Variants in IL1RAPL2 observed in about 807,000 individuals in gnomAD.
The protein encoded by IL1RAPL2 is interleukin 1 receptor accessory protein like 2.
IL1RAPL2 carries 3 observed loss-of-function variants against 44.1 expected under a neutral mutation model. The ratio of observed to expected loss-of-function variants is 0.07; its 90% CI spans 0.03 to 0.18. The LOEUF (loss-of-function observed/expected upper bound fraction) is 0.18, where lower values mean the gene tolerates loss of function less well. Among genes scored for constraint, IL1RAPL2 ranks in the 10% least tolerant of loss-of-function variants. The pLI, the probability that IL1RAPL2 is intolerant of heterozygous loss-of-function variation, is 1.00. For missense variants in IL1RAPL2, 391 were observed against 496.4 expected (o/e 0.79, Z 2.02); for synonymous variants, 181 against 178.8 (o/e 1.01, Z -0.10).
chrX:105,479,027 G>A (rs771448716), intron 5 of IL1RAPL2, among the ~76,000 whole-genome samples: 5 of 111,835 alleles, frequency 4.5e-5, no homozygotes, highest in African/African-American at 3.2e-5. Context: ...AATGCTTTAG[G>A]ATTTAAGAGA....
At chrX:105,219,461 G>T in intron 3 of IL1RAPL2, 1 of 1,210,297 alleles carries the variant, frequency 8.3e-7, no homozygotes, top group Non-Finnish European at 1.1e-6. Flanking sequence ...AGCTGCAGGA[G>T]GATTCTCTCC....
chrX:104,633,570 G>T (rs1199425959), intron 1 of IL1RAPL2, among the ~76,000 whole-genome samples: 3 of 111,719 alleles, frequency 2.7e-5, no homozygotes, highest in Non-Finnish European at 5.6e-5. Flanking sequence ...TTAGTCTTGG[G>T]AGGGTATATG....
At chrX:105,747,953 A>C (rs1477674593) in intron 8 of IL1RAPL2, among the ~76,000 whole-genome samples, 1 of 111,288 alleles carries the variant, frequency 9.0e-6, no homozygotes, top group Non-Finnish European at 1.9e-5. Context: ...AATTTTATCT[A>C]ATTATAATGA....
At chrX:104,736,638 T>C (rs1419042487) in intron 2 of IL1RAPL2, among the ~76,000 whole-genome samples, 1 of 112,348 alleles carries the variant, frequency 8.9e-6, no homozygotes, top group African/African-American at 3.2e-5. Context: ...AAAGCAAACA[T>C]GACTTCTTAA....
intron 5 of IL1RAPL2, among the ~76,000 whole-genome samples, chrX:105,466,383 G>A (rs759378130): frequency 9.0e-6 from 1 of 111,336 alleles, no homozygotes; most frequent in East Asian, 2.9e-4. Context: ...GTCTTCTGTA[G>A]CTAATAATTC....
At chrX:104,840,870 A>G (rs1360858939) in intron 2 of IL1RAPL2, among the ~76,000 whole-genome samples, 7 of 107,861 alleles carry the variant, frequency 6.5e-5, no homozygotes, top group African/African-American at 2.0e-4. Context: ...TTGTATTTTT[A>G]GTAGAGATAG....
chrX:105,763,226 A>AAAAT (rs1328309732), intron 10 of IL1RAPL2, among the ~76,000 whole-genome samples: 5 of 111,627 alleles, frequency 4.5e-5, no homozygotes, highest in African/African-American at 1.6e-4. Context: ...CAACTCTTTA[A>AAAAT]AAATATATAA....
chrX:105,545,152 G>A (rs1048490443), intron 6 of IL1RAPL2, among the ~76,000 whole-genome samples: 2 of 111,347 alleles, frequency 1.8e-5, no homozygotes, highest in Non-Finnish European at 3.8e-5. Flanking sequence ...TACCTTTTCC[G>A]TTGCTCTACA....
chrX:105,411,225 A>C (rs1405489772), intron 5 of IL1RAPL2, among the ~76,000 whole-genome samples: 1 of 111,964 alleles, frequency 8.9e-6, no homozygotes, highest in East Asian at 2.8e-4. Context: ...CAAACCATAA[A>C]GGTAAACAAC....
At chrX:105,231,672 A>G (rs782433102) in intron 3 of IL1RAPL2, among the ~76,000 whole-genome samples, 17 of 112,155 alleles carry the variant, frequency 1.5e-4, no homozygotes, top group African/African-American at 5.2e-4. Context: ...AACAAATATT[A>G]GAAGATCAGA....
chrX:105,289,370 T>C (rs1272555647), intron 5 of IL1RAPL2, among the ~76,000 whole-genome samples: 1 of 111,141 alleles, frequency 9.0e-6, no homozygotes, highest in Non-Finnish European at 1.9e-5. Flanking sequence ...AGGTTTATTT[T>C]ACAAGGAGAA....
chrX:105,612,137 C>T (rs1175358238), intron 6 of IL1RAPL2, among the ~76,000 whole-genome samples: 1 of 111,101 alleles, frequency 9.0e-6, no homozygotes, highest in Non-Finnish European at 1.9e-5. Flanking sequence ...GACAGGGTCT[C>T]GCTCTGTCAC....
chrX:105,639,337 AC>A lies in IL1RAPL2; in HGVS notation c.773-78028del, dbSNP rs1200745428. Among the ~76,000 whole-genome samples the A allele has an allele frequency of 2.2e-4, 25 of 111,728 alleles. 1 individual carries two copies. Among genetic ancestry groups the A allele is most frequent in the Non-Finnish European group, 7.5e-5 (4 of 53,134 alleles). ...AACTCACCATATTGCATGGGACACA[AC>A]CTGCTATAACTCTCCACTGGGCATT... is the stretch of plus-strand genomic sequence containing the variant. On this transcript the variant is annotated intron_variant, in intron 6 of 10. Coordinates refer to ENST00000372582, the MANE Select transcript of IL1RAPL2 (RefSeq NM_017416.2).
intron 6 of IL1RAPL2, among the ~76,000 whole-genome samples, chrX:105,549,101 C>T (rs1025228767): frequency 9.0e-6 from 1 of 111,445 alleles, no homozygotes; most frequent in African/African-American, 3.3e-5. Context: ...AGTGTGCTGT[C>T]TTCCAAATCC....
At chrX:105,679,783 C>CA (rs1363180506) in intron 6 of IL1RAPL2, among the ~76,000 whole-genome samples, 2 of 111,388 alleles carry the variant, frequency 1.8e-5, no homozygotes, top group Non-Finnish European at 3.8e-5. Flanking sequence ...TTATCTTGAT[C>CA]AAAAAATAAG....
At chrX:104,712,086 C>T (rs1931468262) in intron 2 of IL1RAPL2, among the ~76,000 whole-genome samples, 3 of 110,969 alleles carry the variant, frequency 2.7e-5, no homozygotes, top group Non-Finnish European at 3.8e-5. Flanking sequence ...TGATCAGCTG[C>T]TGTAATACTG....
At chrX:104,704,524 T>C (rs1931332891) in intron 2 of IL1RAPL2, among the ~76,000 whole-genome samples, 1 of 111,574 alleles carries the variant, frequency 9.0e-6, no homozygotes, top group South Asian at 3.7e-4. Flanking sequence ...TGTTGAATTA[T>C]CTGCTATAAT....
At chrX:105,660,358 C>T (rs2037710658) in intron 6 of IL1RAPL2, among the ~76,000 whole-genome samples, 1 of 111,130 alleles carries the variant, frequency 9.0e-6, no homozygotes, top group South Asian at 3.8e-4. Flanking sequence ...CAGACCTATC[C>T]TACAAGAAAT....
chrX:104,884,072 G>T (rs779484714), intron 2 of IL1RAPL2, among the ~76,000 whole-genome samples: 1 of 110,069 alleles, frequency 9.1e-6, no homozygotes, highest in Non-Finnish European at 1.9e-5. Context: ...CGCTAAATCC[G>T]ATTTTTCTCA....
Sources: allele counts gnomAD v4.1 joint callset (sites outside exome capture counted in the v4.1 genomes callset), GRCh38; gene constraint gnomAD v4.1.1; transcripts MANE v1.5; gene names NCBI Gene and HGNC (gene_info 2026-07-23, HGNC 2026-07-21).